The following TRIO variants were observed in gnomAD, a reference collection of about 807,000 sequenced individuals.
The protein encoded by TRIO is trio Rho guanine nucleotide exchange factor, also known as triple functional domain protein.
Under a neutral mutation model 351.9 loss-of-function variants are expected in TRIO, and 58 were observed. The observed-to-expected ratio is 0.16, with a 90% confidence interval of 0.13 to 0.21. The LOEUF is 0.21. Ranked by LOEUF, TRIO falls within the 10% of genes least tolerant of loss-of-function variation. The pLI is 1.00. For missense variants in TRIO, 3,201 were observed against 4,027.8 expected (o/e 0.79, Z 5.56); for synonymous variants, 1,758 against 1,595.7 (o/e 1.10, Z -2.42).
chr5:14,163,461 C>A (rs1369813332), intron 1 of TRIO, among the ~76,000 whole-genome samples: 2 of 152,182 alleles, frequency 1.3e-5, no homozygotes, highest in Non-Finnish European at 1.5e-5. Flanking sequence ...GCCTCAGCTT[C>A]TTAAAGTGCT....
chr5:14,358,834 CA>C (rs1173433073), intron 12 of TRIO, among the ~76,000 whole-genome samples: 2 of 152,108 alleles, frequency 1.3e-5, no homozygotes, highest in African/African-American at 4.8e-5. Context: ...CCTCTGGAAG[CA>C]AATTTTTTTT....
At chr5:14,179,506 A>G (rs1396874461) in intron 1 of TRIO, among the ~76,000 whole-genome samples, 7 of 150,790 alleles carry the variant, frequency 4.6e-5, no homozygotes, top group African/African-American at 1.2e-4. Context: ...CTGTTGCCCA[A>G]TTTGGAGCAG....
chr5:14,190,243 T>G (rs1161600705), intron 1 of TRIO, among the ~76,000 whole-genome samples: 1 of 151,950 alleles, frequency 6.6e-6, no homozygotes, highest in Non-Finnish European at 1.5e-5. Flanking sequence ...GGCAAGAGGG[T>G]GGACTACAGG....
intron 33 of TRIO, among the ~76,000 whole-genome samples, chr5:14,416,874 T>C (rs940129477): frequency 7.2e-5 from 11 of 152,188 alleles, no homozygotes; most frequent in Non-Finnish European, 1.3e-4. Context: ...TGGGGGCTGC[T>C]AGAAGAATGT....
intron 1 of TRIO, among the ~76,000 whole-genome samples, chr5:14,224,541 A>C (rs1408077621): frequency 6.6e-6 from 1 of 152,116 alleles, no homozygotes; most frequent in South Asian, 2.1e-4. Flanking sequence ...TAAAGCATGG[A>C]GACTAGCTTG....
chr5:14,504,997 G>A (rs1044746585), intron 55 of TRIO, among the ~76,000 whole-genome samples: 5 of 152,214 alleles, frequency 3.3e-5, no homozygotes, highest in African/African-American at 1.2e-4. Flanking sequence ...TCAGCGGGGT[G>A]CCCCTCAGGC....
At chr5:14,436,948 G>A (rs1010158437) in intron 34 of TRIO, among the ~76,000 whole-genome samples, 2 of 152,184 alleles carry the variant, frequency 1.3e-5, no homozygotes, top group South Asian at 2.1e-4. Flanking sequence ...GCCATTCTGC[G>A]GGTCTGGAGG....
rs1756578213 is a variant in TRIO at position 14,492,715 on chromosome 5, C to T, written c.7781C>T (p.Ala2594Val). 1.2e-6 allele frequency: 2 copies of T among 1,613,986 alleles called. No homozygotes were observed. The highest frequency in any genetic ancestry group is 2.2e-5 in the East Asian group (1 of 44,894). Residue 2594 changes from alanine (A) to valine (V), a missense_variant, in exon 49 of 57, where the codon GCC (alanine) becomes GTC (valine). Ala to Val is a moderately conservative substitution (Grantham distance 64). This residue lies in a region of TRIO where 1,089 missense variants were observed against 954.9 expected (regional missense o/e 1.14). Coordinates refer to ENST00000344204, the MANE Select transcript of TRIO (RefSeq NM_007118.4). ...CAGAACATGTTTCTGGTGTTCCGAG[C>T]CGCCACTGACCAGTGCCCCGCAGCT... ...NQQNMFLVFRAATDQCPAAEG... is the reference protein window; with the variant it reads ...NQQNMFLVFRVATDQCPAAEG...
At chr5:14,318,729 A>G (rs549855283) in intron 9 of TRIO, among the ~76,000 whole-genome samples, 2 of 152,360 alleles carry the variant, frequency 1.3e-5, no homozygotes, top group East Asian at 3.9e-4. Context: ...ATCATGAATA[A>G]TCGTGTTTTT....
chr5:14,158,074 G>GA (rs36010101), intron 1 of TRIO, among the ~76,000 whole-genome samples: 2 of 151,716 alleles, frequency 1.3e-5, no homozygotes, highest in East Asian at 1.9e-4. Context: ...ATTTTAGCAA[G>GA]AAAAAAAATC....
In TRIO at chr5:14,439,305, C is replaced by T. The variant is rs192637624; in HGVS notation, c.5203+19284C>T. 2.3e-3 allele frequency among the ~76,000 whole-genome samples: 358 copies of T among 152,350 alleles called. 1 individual carries two copies. The highest frequency in any genetic ancestry group is 3.5e-3 in the Non-Finnish European group (236 of 68,036). On this transcript the variant is annotated intron_variant, in intron 34 of 56. Transcript: ENST00000344204. ...TTGGGATTACAGGCATGAGCCACCG[C>T]GCCTGGCCCAAACTTGAGATTTGAA...
At chr5:14,170,567 T>G (rs1789039280) in intron 1 of TRIO, among the ~76,000 whole-genome samples, 2 of 149,814 alleles carry the variant, frequency 1.3e-5, no homozygotes, top group South Asian at 4.2e-4. Context: ...AGTGCAGTGG[T>G]GCAATCTTGG....
intron 1 of TRIO, among the ~76,000 whole-genome samples, chr5:14,188,022 G>A (rs1252662491): frequency 1.3e-5 from 2 of 152,202 alleles, no homozygotes; most frequent in African/African-American, 4.8e-5. Flanking sequence ...CTTGCCAGCC[G>A]AGGAGTTAGA....
intron 55 of TRIO, among the ~76,000 whole-genome samples, chr5:14,505,277 C>T (rs964045908): frequency 3.3e-5 from 5 of 152,218 alleles, no homozygotes; most frequent in African/African-American, 9.6e-5. Flanking sequence ...CGGCAGGGAG[C>T]GGCCGGAGGC....
chr5:14,378,505 C>T (rs1236751235), intron 20 of TRIO, among the ~76,000 whole-genome samples: 13 of 150,488 alleles, frequency 8.6e-5, no homozygotes, highest in Admixed American at 3.3e-4. Context: ...TTTATTTTTC[C>T]GATTAATCAA....
Position 14,457,333 on chromosome 5 carries a change from C to G in TRIO, c.5204-3686C>G, listed in dbSNP as rs898443826. On this transcript the variant is annotated intron_variant, in intron 34 of 56. Transcript: ENST00000344204. ...TGTCACCCAGTCCTTTGCATTTAAT[C>G]TGTGGCACCGATGAGCTCCCACCTT... is the stretch of plus-strand genomic sequence containing the variant. Among the ~76,000 whole-genome samples the G allele has an allele frequency of 2.2e-5, 3 of 139,092 alleles. No homozygotes were observed. In the East Asian group the frequency reaches 7.2e-4, roughly 33 times the overall value. 91.2% of individuals were successfully genotyped at this position (139,092 alleles called of 152,430 possible).
chr5:14,219,838 G>A (rs147197742), intron 1 of TRIO, among the ~76,000 whole-genome samples: 13 of 151,940 alleles, frequency 8.6e-5, no homozygotes, highest in African/African-American at 2.2e-4. Flanking sequence ...AGCATGTGGC[G>A]TCCAGCAGTT....
chr5:14,446,800 T>C (rs982295221), intron 34 of TRIO, among the ~76,000 whole-genome samples: 1 of 152,220 alleles, frequency 6.6e-6, no homozygotes, highest in African/African-American at 2.4e-5. Flanking sequence ...CTGTATAATA[T>C]AATGTACTAG....
At chr5:14,360,794 C>T (rs967940135) in intron 13 of TRIO, among the ~76,000 whole-genome samples, 7 of 152,244 alleles carry the variant, frequency 4.6e-5, no homozygotes, top group South Asian at 2.1e-4. Flanking sequence ...TCTAAGTCTC[C>T]GGCACTGTTT....
Sources: allele counts gnomAD v4.1 joint callset (sites outside exome capture counted in the v4.1 genomes callset), GRCh38; gene constraint gnomAD v4.1.1; regional missense constraint gnomAD v4.1.1; transcripts MANE v1.5; gene names NCBI Gene and HGNC (gene_info 2026-07-23, HGNC 2026-07-21).